NRIP1: variants seen among roughly 807,000 people sequenced by gnomAD.
NRIP1 encodes the protein nuclear receptor interacting protein 1.
NRIP1 carries 28 observed loss-of-function variants against 75.0 expected under a neutral mutation model. The observed-to-expected ratio is 0.37, with a 90% CI of 0.28 to 0.51. The LOEUF (loss-of-function observed/expected upper bound fraction) is 0.51. Ranked by LOEUF, NRIP1 falls within the 20% of genes least tolerant of loss-of-function variation. The probability of loss-of-function intolerance (pLI) is 0.92; values close to 1 mark genes in which losing one functional copy is unlikely to be tolerated. For synonymous variants in NRIP1, 526 were observed against 487.6 expected (o/e 1.08, Z -1.04); for missense variants, 1,435 against 1,343.7 (o/e 1.07, Z -1.06).
intron 3 of NRIP1, among the ~76,000 whole-genome samples, chr21:15,006,800 G>A (rs1286696414): frequency 6.6e-6 from 1 of 152,154 alleles, no homozygotes; most frequent in Non-Finnish European, 1.5e-5. Context: ...AGTGCACAGT[G>A]CCGGTGATTT....
chr21:15,052,490 G>A (rs1018776721), intron 1 of NRIP1: 9 of 151,996 alleles, frequency 5.9e-5, no homozygotes, highest in African/African-American at 1.9e-4. Flanking sequence ...AAGTAACAAT[G>A]GTCATTGAGA....
intron 3 of NRIP1, among the ~76,000 whole-genome samples, chr21:15,012,033 C>A (rs529053180): frequency 8.7e-4 from 132 of 151,626 alleles, no homozygotes; most frequent in African/African-American, 3.1e-3. Flanking sequence ...AGCTTTCAGT[C>A]AAAAAAAATT....
At chr21:15,039,429 C>T (rs2088905380) in intron 2 of NRIP1, among the ~76,000 whole-genome samples, 1 of 152,086 alleles carries the variant, frequency 6.6e-6, no homozygotes, top group Non-Finnish European at 1.5e-5. Flanking sequence ...TATCCACATT[C>T]CCAATTTTGA....
chr21:15,019,310 A>G (rs888844024), intron 2 of NRIP1, among the ~76,000 whole-genome samples: 11 of 133,716 alleles, frequency 8.2e-5, no homozygotes, highest in African/African-American at 3.6e-4. Flanking sequence ...TGCAACAAAT[A>G]TAAAGATAGA....
At chr21:15,050,523 T>C (rs1181305282) in intron 1 of NRIP1, 5 of 339,692 alleles carry the variant, frequency 1.5e-5, no homozygotes, top group Non-Finnish European at 2.3e-5. Context: ...TATCTTTAAA[T>C]GAGCTACAAT....
intron 3 of NRIP1, among the ~76,000 whole-genome samples, chr21:14,991,719 A>C (rs2087577602): frequency 6.6e-6 from 1 of 152,214 alleles, no homozygotes; most frequent in Non-Finnish European, 1.5e-5. Flanking sequence ...AATAATGTCA[A>C]ATTTTCAAAA....
intron 3 of NRIP1, among the ~76,000 whole-genome samples, chr21:14,973,105 A>G (rs2086948718): frequency 6.6e-6 from 1 of 152,214 alleles, no homozygotes; most frequent in Non-Finnish European, 1.5e-5. Flanking sequence ...TGTCTATTTA[A>G]AGTTATTAAA....
intron 2 of NRIP1, among the ~76,000 whole-genome samples, chr21:15,041,033 T>C (rs1300667336): frequency 6.6e-6 from 1 of 152,052 alleles, no homozygotes; most frequent in African/African-American, 2.4e-5. Flanking sequence ...AAGGCTTATT[T>C]CTACCAAAAG....
At chr21:15,041,462 A>T (rs930967337) in intron 2 of NRIP1, among the ~76,000 whole-genome samples, 17 of 152,192 alleles carry the variant, frequency 1.1e-4, no homozygotes, top group Non-Finnish European at 1.8e-4. Context: ...ACATGAAGTT[A>T]CACTTCAGGA....
chr21:14,967,244 G>A lies in NRIP1; in HGVS notation c.949C>T (p.Leu317Phe). The A allele has an allele frequency of 3.1e-6, 5 of 1,613,942 alleles. No homozygotes were observed. Among genetic ancestry groups the A allele is most frequent in the Non-Finnish European group, 4.2e-6 (5 of 1,179,970 alleles). ...AGATGGCTTGACATTCCTTTTGGGAGCTGGTAACTGCCAACATCCTTCTGG... is the reference window on the plus strand; with the variant it reads ...AGATGGCTTGACATTCCTTTTGGGAACTGGTAACTGCCAACATCCTTCTGG... ...NGQKDVGSYQ[L>F]PKGMSSHLNG... The change falls in exon 4 of 4, where the codon CTC becomes TTC. Residue 317 changes from leucine (L) to phenylalanine (F), a missense_variant. Physicochemically the swap from Leu to Phe is conservative, Grantham distance 22. Transcript: ENST00000318948.
rs748074288 is a variant in NRIP1, at chr21:14,964,725, T to G, written c.3468A>C (p.Glu1156Asp). The G allele has an allele frequency of 1.2e-5, 18 of 1,539,966 alleles. No individual in the cohort carries two copies. The South Asian group carries it at 2.3e-4, about 20-fold the overall frequency. Residue 1156 changes from glutamate (E) to aspartate (D), a missense_variant, in exon 4 of 4, where the codon GAA becomes GAC. Physicochemically the swap from Glu to Asp is conservative, Grantham distance 45. Coordinates refer to ENST00000318948, the MANE Select transcript of NRIP1 (RefSeq NM_003489.4). ...GGATGGCAGGTACATTTTATTCTGA[T>G]TCTTTCTTTATCGTTAGCACGCTTC... ...LLGSVLTIKK[E>D]SE
chr21:15,022,509 T>C lies in NRIP1; in HGVS notation c.-457-8043A>G, dbSNP rs186411238. ...GCATATGTTTACCTATGTAAAAAACTTGCGCATCCTGCACATGTACCCCAG... is the reference window on the plus strand; with the variant it reads ...GCATATGTTTACCTATGTAAAAAACCTGCGCATCCTGCACATGTACCCCAG... On this transcript the variant is annotated intron_variant, in intron 2 of 3. Transcript: ENST00000318948. Among the ~76,000 whole-genome samples, 778 of 152,284 alleles carry C rather than the reference T, an allele frequency of 5.1e-3. 3 individuals are homozygous for C. The highest frequency in any genetic ancestry group is 6.8e-3 in the Non-Finnish European group (464 of 68,026).
rs2086689057 is a variant in NRIP1, at chr21:14,965,042, T to C, written c.3151A>G (p.Lys1051Glu). The change falls in exon 4 of 4, where the codon AAG becomes GAG. Residue 1051 changes from lysine to glutamate, a missense_variant. Lys to Glu is a moderately conservative substitution (Grantham distance 56). Transcript: ENST00000318948. ...PIKWVITDAE[K>E]NEYEKDSPRL... ...GGAGAGTCTTTTTCATACTCATTCT[T>C]CTCCGCATCAGTGATAACCCACTTA... 1 of 1,613,808 alleles carries C rather than the reference T, an allele frequency of 6.2e-7. No homozygotes were observed. Among genetic ancestry groups the C allele is most frequent in the African/African-American group, 1.3e-5 (1 of 74,876 alleles).
At chr21:15,055,868 G>C (rs1044708419) in intron 1 of NRIP1, among the ~76,000 whole-genome samples, 8 of 151,598 alleles carry the variant, frequency 5.3e-5, no homozygotes, top group African/African-American at 1.9e-4. Flanking sequence ...TAACTTAACA[G>C]CAATAACAAA....
At chr21:15,015,386 A>G (rs2088201087) in intron 2 of NRIP1, among the ~76,000 whole-genome samples, 1 of 152,176 alleles carries the variant, frequency 6.6e-6, no homozygotes, top group Non-Finnish European at 1.5e-5. Flanking sequence ...CAGTTTATTC[A>G]TCAATTATAC....
rs185712455 is a variant in NRIP1, at chr21:14,990,005, C to T, written c.-334-21479G>A. Among the ~76,000 whole-genome samples, 202 of 152,200 alleles carry T rather than the reference C, an allele frequency of 1.3e-3. 1 individual carries two copies. The highest frequency in any genetic ancestry group is 1.9e-3 in the Non-Finnish European group (129 of 68,002). On this transcript the variant is annotated intron_variant, in intron 3 of 3. Transcript: ENST00000318948. ...TAGCTTATTTCCTTGCCCATTTTCC[C>T]CACTTCTCCTACTTTGTAAATTTGT...
chr21:15,003,442 C>T (rs770425771), intron 3 of NRIP1, among the ~76,000 whole-genome samples: 1 of 152,108 alleles, frequency 6.6e-6, no homozygotes, highest in Non-Finnish European at 1.5e-5. Flanking sequence ...TGAAGTATTG[C>T]AATAATGTTT....
chr21:14,977,014 A>G (rs373655910), intron 3 of NRIP1, among the ~76,000 whole-genome samples: 1 of 152,160 alleles, frequency 6.6e-6, no homozygotes, highest in East Asian at 1.9e-4. Context: ...GATTTCTACA[A>G]TGCAGCTTTG....
intron 3 of NRIP1, among the ~76,000 whole-genome samples, chr21:15,014,129 A>C (rs1474124975): frequency 6.6e-6 from 1 of 152,198 alleles, no homozygotes; most frequent in Non-Finnish European, 1.5e-5. Flanking sequence ...TACATTATTT[A>C]TCTACATTTA....
Sources: allele counts gnomAD v4.1 joint callset (sites outside exome capture counted in the v4.1 genomes callset), GRCh38; gene constraint gnomAD v4.1.1; transcripts MANE v1.5; gene names NCBI Gene and HGNC (gene_info 2026-07-23, HGNC 2026-07-21).